The following PLCH1 variants were observed in gnomAD, a reference collection of about 807,000 sequenced individuals.
PLCH1 encodes the protein phospholipase C eta 1.
In PLCH1, 60 loss-of-function variants were observed where a neutral mutation model predicts 126.7. The observed-to-expected ratio is 0.47, with a 90% CI of 0.38 to 0.59. The LOEUF (loss-of-function observed/expected upper bound fraction) is 0.59, where lower values mean the gene tolerates loss of function less well. Ranked by LOEUF, PLCH1 falls within the 20% of genes least tolerant of loss-of-function variation. The probability of loss-of-function intolerance (pLI) is 0.00; values close to 1 mark genes in which losing one functional copy is unlikely to be tolerated. For synonymous variants in PLCH1, 719 were observed against 734.9 expected, an observed-to-expected ratio of 0.98 and a Z score of 0.35; for missense variants, 1,723 against 2,040.0, an observed-to-expected ratio of 0.84 and a Z score of 2.99.
intron 15 of PLCH1, among the ~76,000 whole-genome samples, chr3:155,496,847 T>C (rs1717108237): frequency 6.6e-6 from 1 of 152,220 alleles, no homozygotes; most frequent in African/African-American, 2.4e-5. Flanking sequence ...TCTGCTCTTT[T>C]TGTTAAAACT....
chr3:155,643,642 T>G (rs565408128), intron 2 of PLCH1, among the ~76,000 whole-genome samples: 1 of 152,328 alleles, frequency 6.6e-6, no homozygotes, highest in African/African-American at 2.4e-5. Context: ...TTCAAAATCA[T>G]TCCATTAGTT....
intron 21 of PLCH1, among the ~76,000 whole-genome samples, chr3:155,470,772 C>A (rs1465388050): frequency 1.3e-5 from 2 of 151,948 alleles, no homozygotes; most frequent in African/African-American, 4.8e-5. Flanking sequence ...GGCCAATATT[C>A]AACATTCTTA....
At chr3:155,458,420 AGG>A (rs1491165436) in intron 21 of PLCH1, among the ~76,000 whole-genome samples, 11 of 74,204 alleles carry the variant, frequency 1.5e-4, no homozygotes, top group African/African-American at 1.1e-3. Flanking sequence ...GAAGGAAGGA[AGG>A]AAGGAAGGAA....
chr3:155,620,869 T>C (rs774083609), intron 2 of PLCH1, among the ~76,000 whole-genome samples: 2 of 152,194 alleles, frequency 1.3e-5, no homozygotes. Context: ...CTGACAGCCC[T>C]GAAGAGAGCA....
chr3:155,544,516 T>A (rs187957826), intron 10 of PLCH1, among the ~76,000 whole-genome samples: 17 of 152,262 alleles, frequency 1.1e-4, no homozygotes, highest in African/African-American at 4.1e-4. Flanking sequence ...GGAATTGAAG[T>A]CAGCTCTGCA....
At position 155,518,354 on chromosome 3, in the gene PLCH1, T is replaced by C. The variant is rs192618954; in HGVS notation, c.1471-3470A>G. Among the ~76,000 whole-genome samples, 488 of 152,310 alleles carry C rather than the reference T, an allele frequency of 3.2e-3. 3 individuals are homozygous for C. The highest frequency in any genetic ancestry group is 0.011 in the African/African-American group (465 of 41,568). ...AGGGCTAGCCAATTTTTTCTCATAA[T>C]GACACAGGCAGAAAGGTTCAGCCAC... On this transcript the variant is annotated intron_variant, in intron 11 of 22. Coordinates refer to ENST00000460012, the MANE Select transcript of PLCH1 (RefSeq NM_014996.4).
intron 21 of PLCH1, among the ~76,000 whole-genome samples, chr3:155,458,571 A>AAAGAAAGG (rs1712587566): frequency 1.3e-5 from 2 of 151,624 alleles, no homozygotes; most frequent in African/African-American, 4.8e-5. Context: ...AGAAAGAAAG[A>AAAGAAAGG]AAGAAAGAAA....
At chr3:155,519,592 C>G (rs1451374082) in intron 11 of PLCH1, among the ~76,000 whole-genome samples, 1 of 151,926 alleles carries the variant, frequency 6.6e-6, no homozygotes, top group Admixed American at 6.6e-5. Flanking sequence ...TCTACCTGCA[C>G]TACACATTGC....
At position 155,514,871 on chromosome 3, in the gene PLCH1, G is replaced by A. The variant is rs746013706; in HGVS notation, c.1484C>T (p.Thr495Ile). 6.2e-7 allele frequency: 1 copy of A among 1,605,708 alleles called. No homozygotes were observed. The highest frequency in any genetic ancestry group is 1.3e-5 in the African/African-American group (1 of 74,814). Residue 495 changes from threonine to isoleucine, a missense_variant, in exon 12 of 23, where the codon ACT becomes ATT. Transcript: ENST00000460012. Reference sequence around the variant, plus strand: ...TATGAAAGATTCCACCTGATGCTCAGTGGTCCCATTACTCTGCAAAGAATT... The same window carrying A: ...TATGAAAGATTCCACCTGATGCTCAATGGTCCCATTACTCTGCAAAGAATT... ...KFKLHYSNGTTEHQVESFIRK... is the reference protein window; with the variant it reads ...KFKLHYSNGTIEHQVESFIRK...
chr3:155,650,297 T>A (rs192310232), intron 2 of PLCH1, among the ~76,000 whole-genome samples: 7 of 152,222 alleles, frequency 4.6e-5, no homozygotes, highest in Non-Finnish European at 1.5e-5. Context: ...ACGAAGAACT[T>A]CCAAATCCAA....
At chr3:155,632,809 A>G (rs1452020213) in intron 2 of PLCH1, among the ~76,000 whole-genome samples, 1 of 152,230 alleles carries the variant, frequency 6.6e-6, no homozygotes, top group Non-Finnish European at 1.5e-5. Flanking sequence ...CAATTACATT[A>G]GAGAAGTAAT....
chr3:155,617,488 G>GT (rs1367568922), intron 2 of PLCH1, among the ~76,000 whole-genome samples: 2 of 151,950 alleles, frequency 1.3e-5, no homozygotes, highest in African/African-American at 2.4e-5. Context: ...AAGAAAACTT[G>GT]TTTTTTCTTT....
At chr3:155,707,121 A>G (rs781625092) in intron 1 of PLCH1, among the ~76,000 whole-genome samples, 3 of 152,300 alleles carry the variant, frequency 2.0e-5, no homozygotes, top group South Asian at 4.1e-4. Flanking sequence ...GCAGTCTGCA[A>G]TCCAGGAAAG....
At chr3:155,528,670 A>G (rs1325334867) in intron 10 of PLCH1, among the ~76,000 whole-genome samples, 2 of 152,216 alleles carry the variant, frequency 1.3e-5, no homozygotes, top group Non-Finnish European at 2.9e-5. Context: ...AAATAACATC[A>G]CCAAGAAAAG....
intron 7 of PLCH1, among the ~76,000 whole-genome samples, chr3:155,567,922 A>G (rs1216710974): frequency 2.0e-5 from 3 of 152,178 alleles, no homozygotes; most frequent in Non-Finnish European, 4.4e-5. Context: ...TGAAATTATC[A>G]GGCTAATTTC....
chr3:155,503,026 C>A (rs1718131268), intron 13 of PLCH1, among the ~76,000 whole-genome samples: 1 of 152,194 alleles, frequency 6.6e-6, no homozygotes, highest in South Asian at 2.1e-4. Flanking sequence ...GTAAGTTTTA[C>A]TGACAAACAG....
At chr3:155,744,467 A>C (rs1559979229) in intron 1 of PLCH1, among the ~76,000 whole-genome samples, 1 of 152,258 alleles carries the variant, frequency 6.6e-6, no homozygotes, top group East Asian at 1.9e-4. Context: ...TCTGGCGGTC[A>C]GAGAGAGGGT....
intron 6 of PLCH1, among the ~76,000 whole-genome samples, chr3:155,571,619 G>C (rs1017109991): frequency 6.6e-6 from 1 of 152,144 alleles, no homozygotes; most frequent in Admixed American, 6.6e-5. Flanking sequence ...GGTTGGTCTC[G>C]AACTCCTGAC....
At chr3:155,672,022 C>T (rs966253644) in intron 2 of PLCH1, among the ~76,000 whole-genome samples, 1 of 151,950 alleles carries the variant, frequency 6.6e-6, no homozygotes, top group South Asian at 2.1e-4. Context: ...TTCACAATAC[C>T]GACTAAAATC....
Sources: gnomAD v4.1 joint callset for allele counts (sites outside exome capture counted in the v4.1 genomes callset) on GRCh38, gnomAD v4.1.1 for gene constraint, MANE v1.5 for transcripts, NCBI Gene and HGNC (gene_info 2026-07-23, HGNC 2026-07-21) for gene names.